BCAS3: variants seen among roughly 807,000 people sequenced by gnomAD.
BCAS3 encodes the protein BCAS4/BCAS3 fusion.
BCAS3 carries 53 observed loss-of-function variants against 116.1 expected under a neutral mutation model. The observed-to-expected ratio is 0.46, with a 90% confidence interval of 0.37 to 0.57. The LOEUF (loss-of-function observed/expected upper bound fraction) is 0.57, where lower values mean the gene tolerates loss of function less well. Ranked by LOEUF, BCAS3 falls within the 20% of genes least tolerant of loss-of-function variation. BCAS3 has a pLI of 0.00. For missense variants in BCAS3, 917 were observed against 1,165.4 expected (o/e 0.79, Z 3.10); for synonymous variants, 391 against 408.2 (o/e 0.96, Z 0.51).
chr17:61,038,751 C>T (rs1367249785), intron 18 of BCAS3, among the ~76,000 whole-genome samples: 4 of 149,906 alleles, frequency 2.7e-5, no homozygotes, highest in Non-Finnish European at 5.9e-5. Context: ...TCACTGCAGC[C>T]TCCACCTCCC....
chr17:60,704,858 T>C (rs1373343470), intron 4 of BCAS3, among the ~76,000 whole-genome samples: 3 of 151,800 alleles, frequency 2.0e-5, no homozygotes, highest in Non-Finnish European at 4.4e-5. Flanking sequence ...AAAAGTTTTA[T>C]TGATATTGCA....
intron 22 of BCAS3, among the ~76,000 whole-genome samples, chr17:61,236,443 C>T (rs2083064497): frequency 6.6e-6 from 1 of 152,194 alleles, no homozygotes; most frequent in Admixed American, 6.5e-5. Context: ...CCTCAGCCTC[C>T]TGAATAGCTG....
At position 61,015,790 on chromosome 17, in the gene BCAS3, A is replaced by G. The variant is rs1342155653; in HGVS notation, c.1526A>G (p.Asn509Ser). 5.0e-6 allele frequency: 8 copies of G among 1,613,758 alleles called. No individual in the cohort carries two copies. Among genetic ancestry groups the G allele is most frequent in the East Asian group, 2.2e-5 (1 of 44,882 alleles). The change falls in exon 16 of 24, where the codon AAC (asparagine) becomes AGC (serine). Residue 509 changes from asparagine to serine, a missense_variant. Transcript: ENST00000407086. ...NSQDSYNNFT[N>S]NNPGNPRLSP... ...CAAGACTCCTATAACAATTTTACCA[A>G]CAACAACCCTGGCAACCCTCGGCTC...
intron 14 of BCAS3, among the ~76,000 whole-genome samples, chr17:60,949,871 T>C (rs2060738879): frequency 6.6e-6 from 1 of 152,200 alleles, no homozygotes; most frequent in African/African-American, 2.4e-5. Context: ...AAAATGCAAC[T>C]AGCCAACTCT....
In BCAS3 at chr17:61,118,905, A is replaced by G. The variant is rs910560100; in HGVS notation, c.2425+34341A>G. Among the ~76,000 whole-genome samples, 3 of 152,002 alleles carry G rather than the reference A, an allele frequency of 2.0e-5. No individual in the cohort carries two copies. The highest frequency in any genetic ancestry group is 7.3e-5 in the African/African-American group (3 of 41,366). The stretch of plus-strand genomic sequence containing the variant: ...TTTTTGTTTCTTATTGCATACTAAC[A>G]CTACCCCCAAAATGCATTTTGCTTT... On this transcript the variant is annotated intron_variant, in intron 22 of 23. Transcript: ENST00000407086. This position sits in a 1 kb window ranked among gnomAD's most constrained non-coding sequence, Gnocchi z 5.0.
Position 61,339,550 on chromosome 17 carries a change from G to A in BCAS3, c.2426-28777G>A, listed in dbSNP as rs1047521293. 6.6e-6 allele frequency among the ~76,000 whole-genome samples: 1 copy of A among 152,152 alleles called. No homozygotes were observed. The highest frequency in any genetic ancestry group is 2.4e-5 in the African/African-American group (1 of 41,432). On this transcript the variant is annotated intron_variant, in intron 22 of 23. Transcript: ENST00000407086. This position sits in a 1 kb window ranked among gnomAD's most constrained non-coding sequence, Gnocchi z 4.4. ...GGAGGCCAAGGTGAGCAGATCACCT[G>A]AGGTCAGGAGTTCGAGACCAGCCTA...
At chr17:60,857,009 A>T (rs1288554121) in intron 7 of BCAS3, among the ~76,000 whole-genome samples, 1 of 152,162 alleles carries the variant, frequency 6.6e-6, no homozygotes, top group Non-Finnish European at 1.5e-5. Flanking sequence ...AACTTCCTTT[A>T]TGGGTATGGG....
rs1194336209 is a variant in BCAS3, at chr17:61,352,743, G to C, written c.2426-15584G>C. Among the ~76,000 whole-genome samples, 1 of 152,184 alleles carries C rather than the reference G, an allele frequency of 6.6e-6. No homozygotes were observed. The highest frequency in any genetic ancestry group is 1.9e-4 in the East Asian group (1 of 5,194). On this transcript the variant is annotated intron_variant, in intron 22 of 23. Coordinates refer to ENST00000407086, the MANE Select transcript of BCAS3 (RefSeq NM_017679.5). This position sits in a 1 kb window ranked among gnomAD's most constrained non-coding sequence, Gnocchi z 4.7. Reference sequence around the variant, plus strand: ...GGCCTAAGTGGAGCCTTCTCTGCAGGCAAGCCTGGACTCCCCACCCCTCTC... The same window carrying C: ...GGCCTAAGTGGAGCCTTCTCTGCAGCCAAGCCTGGACTCCCCACCCCTCTC...
intron 22 of BCAS3, among the ~76,000 whole-genome samples, chr17:61,110,808 A>C (rs2075033162): frequency 6.6e-6 from 1 of 152,168 alleles, no homozygotes; most frequent in Non-Finnish European, 1.5e-5. Context: ...ACAAACAAAA[A>C]GACAGCAGTA....
chr17:60,970,844 A>G lies in BCAS3; in HGVS notation c.1222-19127A>G, dbSNP rs116398298. 2.0e-3 allele frequency among the ~76,000 whole-genome samples: 309 copies of G among 152,310 alleles called. 1 individual carries two copies. The highest frequency in any genetic ancestry group is 7.1e-3 in the African/African-American group (294 of 41,564). ...TCTTGATGTTGATAGAATAGAGAAA[A>G]AAGACATAAATTATTAGAGTAACAC... On this transcript the variant is annotated intron_variant, in intron 14 of 23. Coordinates refer to ENST00000407086, the MANE Select transcript of BCAS3 (RefSeq NM_017679.5).
rs1000336128 is a variant in BCAS3 at position 60,736,329 on chromosome 17, G to A, written c.322-10869G>A. Among the ~76,000 whole-genome samples the A allele has an allele frequency of 9.9e-5, 15 of 151,380 alleles. No individual in the cohort carries two copies. The East Asian group carries it at 2.5e-3, about 25-fold the overall frequency. On this transcript the variant is annotated intron_variant, in intron 5 of 23. Coordinates refer to ENST00000407086, the MANE Select transcript of BCAS3 (RefSeq NM_017679.5). ...AATGTCTTTTTTTTTTCTTACAGGC[G>A]TGTACCACCATGCCCAGCTAATTTT...
At chr17:61,152,441 G>A (rs774063221) in intron 22 of BCAS3, among the ~76,000 whole-genome samples, 1 of 152,100 alleles carries the variant, frequency 6.6e-6, no homozygotes, top group African/African-American at 2.4e-5. Flanking sequence ...TAATCCTCTT[G>A]TAAGACAGAA....
chr17:60,761,706 TTTGG>T (rs1384744178), intron 6 of BCAS3, among the ~76,000 whole-genome samples: 2 of 151,890 alleles, frequency 1.3e-5, no homozygotes, highest in Non-Finnish European at 1.5e-5. Context: ...TTTATAATCC[TTTGG>T]GTATATACCC....
In BCAS3 at chr17:60,905,520, G is replaced by A. The variant is rs139894037; in HGVS notation, c.822+2817G>A. Among the ~76,000 whole-genome samples the A allele has an allele frequency of 7.2e-3, 1,094 of 152,272 alleles. 15 individuals carry two copies. The highest frequency in any genetic ancestry group is 0.025 in the African/African-American group (1,043 of 41,558). On this transcript the variant is annotated intron_variant, in intron 11 of 23. Coordinates refer to ENST00000407086, the MANE Select transcript of BCAS3 (RefSeq NM_017679.5). ...ACACAGTAAACCTGGTCATACTGAA[G>A]TCTGTTTCTGATAACTCTAATGTCT... is the stretch of plus-strand genomic sequence containing the variant.
At chr17:61,039,751 T>C (rs1364076555) in intron 18 of BCAS3, among the ~76,000 whole-genome samples, 2 of 152,198 alleles carry the variant, frequency 1.3e-5, no homozygotes, top group African/African-American at 4.8e-5. Context: ...GTCTTCTGTA[T>C]GTACCTTGGA....
intron 4 of BCAS3, among the ~76,000 whole-genome samples, chr17:60,706,249 A>T (rs1483433368): frequency 3.3e-5 from 5 of 151,884 alleles, no homozygotes; most frequent in African/African-American, 1.2e-4. Context: ...TTTTTAGTAG[A>T]GATGGGGTTT....
intron 6 of BCAS3, 138 bp from the exon 7 acceptor site, chr17:60,807,866 C>A: frequency 7.5e-6 from 4 of 534,404 alleles, no homozygotes; most frequent in East Asian, 3.3e-5. Flanking sequence ...AGCTTTTCTT[C>A]TTTTTATTCA....
At position 61,215,393 on chromosome 17, in the gene BCAS3, C is replaced by T. The variant is rs555886431; in HGVS notation, c.2425+130829C>T. Among the ~76,000 whole-genome samples the T allele has an allele frequency of 6.6e-6, 1 of 151,908 alleles. No homozygotes were observed. The highest frequency in any genetic ancestry group is 2.1e-4 in the South Asian group (1 of 4,804). ...TCTGACACTTCACCTCTCTGTTCTTCAGTTTTGTATTTTGTGAAGCATCTA... is the reference window on the plus strand; with the variant it reads ...TCTGACACTTCACCTCTCTGTTCTTTAGTTTTGTATTTTGTGAAGCATCTA... On this transcript the variant is annotated intron_variant, in intron 22 of 23. Coordinates refer to ENST00000407086, the MANE Select transcript of BCAS3 (RefSeq NM_017679.5). The surrounding 1 kb of genome is among the most constrained non-coding windows in gnomAD (Gnocchi z 4.8).
chr17:60,822,964 A>G (rs141237789), intron 7 of BCAS3, among the ~76,000 whole-genome samples: 30 of 152,324 alleles, frequency 2.0e-4, no homozygotes, highest in African/African-American at 6.5e-4. Flanking sequence ...CCAACTCAGA[A>G]GTAGAAAATA....
Sources: gnomAD v4.1 joint callset for allele counts (sites outside exome capture counted in the v4.1 genomes callset) on GRCh38, gnomAD v4.1.1 for gene constraint, Gnocchi (gnomAD v3.1) non-coding constraint, MANE v1.5 for transcripts, NCBI Gene and HGNC (gene_info 2026-07-23, HGNC 2026-07-21) for gene names.